Variants in DAPK2 observed in about 807,000 individuals in gnomAD.
DAPK2 encodes death associated protein kinase 2, also known as death-associated protein kinase 2.
Under a neutral mutation model 44.1 loss-of-function variants are expected in DAPK2, and 35 were observed. The ratio of observed to expected loss-of-function variants is 0.79; its 90% CI spans 0.61 to 1.05. DAPK2 has a LOEUF of 1.05. Ranked by LOEUF, DAPK2 falls within the 50% of genes least tolerant of loss-of-function variation. The pLI is 0.00. For missense variants in DAPK2, 453 were observed against 483.2 expected, an observed-to-expected ratio of 0.94 and a Z score of 0.59; for synonymous variants, 174 against 182.6, an observed-to-expected ratio of 0.95 and a Z score of 0.38.
At chr15:63,957,845 G>A (rs1182904374) in intron 3 of DAPK2, among the ~76,000 whole-genome samples, 1 of 152,144 alleles carries the variant, frequency 6.6e-6, no homozygotes, top group African/African-American at 2.4e-5. Context: ...ATAGCAGCAT[G>A]ATTTATAATC....
In DAPK2 at chr15:63,980,319, G is replaced by C. The variant is rs552052080; in HGVS notation, c.314+3214C>G. ...CCGACTCCTAGGGTTCTACAAACAG[G>C]AAGAAGCAGGCAATTTCCCCAGCAA... On this transcript the variant is annotated intron_variant, in intron 2 of 10. Transcript: ENST00000261891. The surrounding 1 kb of genome is among the most constrained non-coding windows in gnomAD (Gnocchi z 4.3). Among the ~76,000 whole-genome samples, 103 of 152,302 alleles carry C rather than the reference G, an allele frequency of 6.8e-4. No homozygotes were observed. Among genetic ancestry groups the C allele is most frequent in the African/African-American group, 2.4e-3 (99 of 41,556 alleles).
At chr15:63,964,239 T>C (rs994172895) in intron 3 of DAPK2, among the ~76,000 whole-genome samples, 4 of 152,128 alleles carry the variant, frequency 2.6e-5, no homozygotes, top group African/African-American at 4.8e-5. Flanking sequence ...AGAATAAAGG[T>C]TTTTTCCTCA....
intron 3 of DAPK2, among the ~76,000 whole-genome samples, chr15:63,958,183 T>C (rs2077781425): frequency 6.6e-6 from 1 of 152,158 alleles, no homozygotes; most frequent in Non-Finnish European, 1.5e-5. Flanking sequence ...ATATCCTTTG[T>C]GCACTTTTTG....
intron 1 of DAPK2, among the ~76,000 whole-genome samples, chr15:64,011,503 G>A (rs1350567438): frequency 6.6e-6 from 1 of 152,226 alleles, no homozygotes; most frequent in Admixed American, 6.5e-5. Context: ...GGAAGCTGCA[G>A]TGAGCCTAGA....
chr15:63,949,582 C>T (rs917826947), intron 3 of DAPK2, among the ~76,000 whole-genome samples: 3 of 152,178 alleles, frequency 2.0e-5, no homozygotes, highest in African/African-American at 7.2e-5. Flanking sequence ...TAGGGGCCCC[C>T]CATCTGTGCT....
chr15:63,985,092 T>A (rs540168102), intron 1 of DAPK2, among the ~76,000 whole-genome samples: 8 of 152,334 alleles, frequency 5.3e-5, no homozygotes, highest in African/African-American at 1.9e-4. Flanking sequence ...ATCCAGTCTG[T>A]GCCAGGATCT....
intron 3 of DAPK2, among the ~76,000 whole-genome samples, chr15:63,941,799 AG>A (rs2077316985): frequency 6.6e-6 from 1 of 152,152 alleles, no homozygotes; most frequent in Admixed American, 6.5e-5. Flanking sequence ...GGGTGGGTGA[AG>A]TCAGCTTATG....
Position 63,971,410 on chromosome 15 carries a change from T to C in DAPK2, c.453+13A>G. ...CCTAAACTTGATTCTTTTCCCTTTC[T>C]CCCCTTACTGACCTTGAGATCAAAG... On this transcript the variant is annotated intron_variant, in intron 3 of 10. Coordinates refer to ENST00000261891, the Ensembl canonical transcript of DAPK2. The C allele has an allele frequency of 1.9e-6, 3 of 1,613,946 alleles. No individual in the cohort carries two copies. In the South Asian group the frequency reaches 3.3e-5, roughly 18 times the overall value.
At chr15:63,960,221 C>T (rs1447517291) in intron 3 of DAPK2, among the ~76,000 whole-genome samples, 9 of 151,880 alleles carry the variant, frequency 5.9e-5, no homozygotes, top group East Asian at 5.8e-4. Flanking sequence ...CATTTTTTAT[C>T]GCATCTATTT....
intron 2 of DAPK2, among the ~76,000 whole-genome samples, chr15:63,977,671 T>C (rs1327133206): frequency 6.6e-6 from 1 of 152,174 alleles, no homozygotes; most frequent in African/African-American, 2.4e-5. Flanking sequence ...TAGAGTTTAT[T>C]TGAAGTTTGC....
At chr15:63,938,691 C>T (rs1015368536) in intron 4 of DAPK2, among the ~76,000 whole-genome samples, 3 of 152,202 alleles carry the variant, frequency 2.0e-5, no homozygotes, top group African/African-American at 7.2e-5. Flanking sequence ...ACAGAATGGG[C>T]AGGGGCCTGG....
At chr15:63,938,583 C>A (rs537179451) in intron 4 of DAPK2, among the ~76,000 whole-genome samples, 3 of 152,356 alleles carry the variant, frequency 2.0e-5, no homozygotes, top group East Asian at 3.9e-4. Context: ...AGCAGATAAA[C>A]AGATGGTGGT....
At chr15:64,032,668 T>C (rs1290586501) in intron 1 of DAPK2, among the ~76,000 whole-genome samples, 1 of 152,086 alleles carries the variant, frequency 6.6e-6, no homozygotes, top group African/African-American at 2.4e-5. Context: ...GAAATAAAAA[T>C]AGCCAGGCGT....
At chr15:64,004,751 C>T (rs2079182570) in intron 1 of DAPK2, among the ~76,000 whole-genome samples, 1 of 152,116 alleles carries the variant, frequency 6.6e-6, no homozygotes, top group Non-Finnish European at 1.5e-5. Context: ...CATACAAAAG[C>T]ACTAAGCACG....
chr15:63,983,037 A>T (rs1420079680), intron 2 of DAPK2, among the ~76,000 whole-genome samples: 2 of 152,198 alleles, frequency 1.3e-5, no homozygotes. Flanking sequence ...TTATAACAAT[A>T]AAGGTGTCAT....
chr15:64,028,351 A>T lies in DAPK2; in HGVS notation c.92+11819T>A, dbSNP rs185766898. ...TGGGATTTCAGGCATGAACCACTGC[A>T]CCCGACCCTATTTATTTTTTAATTG... is the stretch of plus-strand genomic sequence containing the variant. On this transcript the variant is annotated intron_variant, in intron 1 of 10. Transcript: ENST00000261891. 2.6e-5 allele frequency among the ~76,000 whole-genome samples: 4 copies of T among 152,254 alleles called. No individual in the cohort carries two copies. The East Asian group carries it at 7.7e-4, about 29-fold the overall frequency.
At chr15:63,957,382 GT>G (rs2077755459) in intron 3 of DAPK2, among the ~76,000 whole-genome samples, 1 of 151,828 alleles carries the variant, frequency 6.6e-6, no homozygotes, top group Non-Finnish European at 1.5e-5. Context: ...TATACATTAA[GT>G]TCTAGGGTAC....
chr15:64,046,373 C>CGCGGCGGGAGCGGCGGGCGCGGCCGGA (rs1483264188), upstream of DAPK2: 1 of 781,136 alleles, frequency 1.3e-6, no homozygotes, highest in South Asian at 6.5e-5. This position sits in a 1 kb window ranked among gnomAD's most constrained non-coding sequence, Gnocchi z 5.3. Flanking sequence ...GCGCGGCGGG[C>CGCGGCGGGAGCGGCGGGCGCGGCCGGA]GCGGCGGGCG....
chr15:63,928,782 G>A (rs2079400394), intron 6 of DAPK2, among the ~76,000 whole-genome samples: 1 of 152,140 alleles, frequency 6.6e-6, no homozygotes, highest in Admixed American at 6.6e-5. Context: ...TCAGGGACAG[G>A]CAAAGAGGAA....
Sources: gnomAD v4.1 joint callset for allele counts (sites outside exome capture counted in the v4.1 genomes callset) on GRCh38, gnomAD v4.1.1 for gene constraint, Gnocchi (gnomAD v3.1) non-coding constraint, MANE v1.5 for transcripts, NCBI Gene and HGNC (gene_info 2026-07-23, HGNC 2026-07-21) for gene names.